NOMO3: variants seen among roughly 807,000 people sequenced by gnomAD.
The protein encoded by NOMO3 is BOS complex subunit NOMO3.
In NOMO3, 15 loss-of-function variants were observed where a neutral mutation model predicts 69.9. The ratio of observed to expected loss-of-function variants is 0.21; its 90% CI spans 0.14 to 0.33. The LOEUF (loss-of-function observed/expected upper bound fraction) is 0.33, where lower values mean the gene tolerates loss of function less well. NOMO3 is among the 10% of genes least tolerant of loss of function. The pLI is 1.00. For missense variants in NOMO3, 218 were observed against 761.0 expected (o/e 0.29, Z 8.39); for synonymous variants, 89 against 301.9 (o/e 0.29, Z 7.31).
Position 16,268,663 on chromosome 16 carries a change from T to C in NOMO3, c.1895-1458T>C, listed in dbSNP as rs438688. Among the ~76,000 whole-genome samples the C allele has an allele frequency of 3.4e-4, 49 of 142,142 alleles. 1 individual carries two copies. In the South Asian group the frequency reaches 6.5e-3, roughly 19 times the overall value. 93.3% of individuals were successfully genotyped at this position (142,142 alleles called of 152,430 possible). Reference sequence around the variant, plus strand: ...AACAAAATCCATACAGCAGTGCCATTGGCAAGTGGTAGTTTATTTGGCTCA... The same window carrying C: ...AACAAAATCCATACAGCAGTGCCATCGGCAAGTGGTAGTTTATTTGGCTCA... On this transcript the variant is annotated intron_variant, in intron 16 of 30. Coordinates refer to ENST00000399336, the MANE Select transcript of NOMO3 (RefSeq NM_001004067.4).
chr16:16,237,617 T>G (rs1283262806), intron 2 of NOMO3, among the ~76,000 whole-genome samples: 1 of 142,514 alleles, frequency 7.0e-6, no homozygotes, highest in Non-Finnish European at 1.5e-5. Context: ...GGTGTGATCT[T>G]GCCTCACTCC....
At chr16:16,238,587 G>A (rs1270251668) in intron 2 of NOMO3, among the ~76,000 whole-genome samples, 6 of 142,860 alleles carry the variant, frequency 4.2e-5, no homozygotes, top group Non-Finnish European at 8.9e-5. Context: ...AACCCAAACT[G>A]TAATTTATTT....
At chr16:16,238,066 A>G (rs1228012268) in intron 2 of NOMO3, among the ~76,000 whole-genome samples, 8 of 138,786 alleles carry the variant, frequency 5.8e-5, no homozygotes, top group Admixed American at 4.9e-4. Context: ...AAAATAGTCA[A>G]TACACATAGT....
In NOMO3 at chr16:16,250,227, A is replaced by G; in HGVS notation, c.583-701A>G. Among the ~76,000 whole-genome samples the G allele has an allele frequency of 1.4e-5, 2 of 145,030 alleles. 1 individual carries two copies. The highest frequency in any genetic ancestry group is 3.0e-5 in the Non-Finnish European group (2 of 67,700). On this transcript the variant is annotated intron_variant, in intron 6 of 30. Coordinates refer to ENST00000399336, the MANE Select transcript of NOMO3 (RefSeq NM_001004067.4). ...TGCTTGAATTGGGTGAGACTTGGCA[A>G]CACGTAAGAGAAACCTTTAGGCCAA... is the stretch of plus-strand genomic sequence containing the variant.
At chr16:16,262,812 G>C (rs557556675) in intron 12 of NOMO3, among the ~76,000 whole-genome samples, 1 of 141,154 alleles carries the variant, frequency 7.1e-6, no homozygotes, top group Admixed American at 6.9e-5. Context: ...TCCGCGTTGC[G>C]GGCCTGTGGG....
At chr16:16,260,331 T>C (rs2141257323) in intron 11 of NOMO3, among the ~76,000 whole-genome samples, 1 of 139,380 alleles carries the variant, frequency 7.2e-6, no homozygotes. Flanking sequence ...TTTCTTTTGA[T>C]TTTTTTTTTT....
At chr16:16,234,919 T>G (rs575274813) in intron 1 of NOMO3, among the ~76,000 whole-genome samples, 1 of 152,298 alleles carries the variant, frequency 6.6e-6, no homozygotes, top group African/African-American at 2.4e-5. Context: ...CAGCCGATCT[T>G]TAGGCTGCCA....
Position 16,240,526 on chromosome 16 carries a change from A to G in NOMO3, c.301+630A>G, listed in dbSNP as rs984753415. 4.1e-5 allele frequency among the ~76,000 whole-genome samples: 6 copies of G among 145,608 alleles called. 1 individual carries two copies. Among genetic ancestry groups the G allele is most frequent in the African/African-American group, 1.6e-4 (6 of 36,972 alleles). ...ATTAGCAAGTACTCAGTATTCAGAAACAGCCCTTCTGCACACATCCCAACA... is the reference window on the plus strand; with the variant it reads ...ATTAGCAAGTACTCAGTATTCAGAAGCAGCCCTTCTGCACACATCCCAACA... On this transcript the variant is annotated intron_variant, in intron 3 of 30. Coordinates refer to ENST00000399336, the MANE Select transcript of NOMO3 (RefSeq NM_001004067.4).
At chr16:16,257,131 AG>A (rs1053536151) in intron 11 of NOMO3, among the ~76,000 whole-genome samples, 1 of 81,494 alleles carries the variant, frequency 1.2e-5, no homozygotes, top group Non-Finnish European at 2.1e-5. Context: ...ATATACTGGC[AG>A]GTGAAGGTGA....
At chr16:16,264,888 G>C (rs1323902738) in intron 14 of NOMO3, among the ~76,000 whole-genome samples, 155 bp from the exon 15 acceptor site, 1 of 134,166 alleles carries the variant, frequency 7.5e-6, no homozygotes, top group Admixed American at 7.2e-5. Flanking sequence ...AATACTGCTA[G>C]TTATAAATAT....
Position 16,237,043 on chromosome 16 carries a change from C to T in NOMO3, c.255+53C>T, listed in dbSNP as rs2049332351. The T allele has an allele frequency of 9.5e-6, 15 of 1,587,254 alleles. 2 individuals carry two copies. On this transcript the variant is annotated intron_variant, in intron 2 of 30. Coordinates refer to ENST00000399336, the MANE Select transcript of NOMO3 (RefSeq NM_001004067.4). ...ATGGGAAGTCACTAGTGTGCCTCAC[C>T]AGGCTGCATTAACCATGTCCTTTCC...
chr16:16,250,296 AAC>A (rs2049451738), intron 6 of NOMO3, among the ~76,000 whole-genome samples: 1 of 140,500 alleles, frequency 7.1e-6, no homozygotes, highest in South Asian at 2.3e-4. Flanking sequence ...ATCTTCAGTT[AAC>A]ACTATATATC....
chr16:16,261,308 G>A, intron 11 of NOMO3, 194 bp from the exon 12 acceptor site: 5 of 624,174 alleles, frequency 8.0e-6, no homozygotes, highest in African/African-American at 2.2e-5. Context: ...TGCTTCTGAA[G>A]GTTGCTTTTT....
Position 16,254,145 on chromosome 16 carries a change from T to C in NOMO3, c.964-1575T>C, listed in dbSNP as rs1305027964. ...GGGTAAGAAGATGAAGCCTTTACTT[T>C]GCTTCTCGTAGCTTGCAGAGAAGGA... is the stretch of plus-strand genomic sequence containing the variant. On this transcript the variant is annotated intron_variant, in intron 9 of 30. Transcript: ENST00000399336. Among the ~76,000 whole-genome samples, 3 of 142,972 alleles carry C rather than the reference T, an allele frequency of 2.1e-5. 1 individual carries two copies. Among genetic ancestry groups the C allele is most frequent in the African/African-American group, 8.5e-5 (3 of 35,234 alleles). 93.8% of individuals were successfully genotyped at this position (142,972 alleles called of 152,430 possible).
intron 7 of NOMO3, 71 bp from the exon 8 acceptor site, chr16:16,251,892 G>A: frequency 2.5e-6 from 2 of 806,394 alleles, no homozygotes; most frequent in South Asian, 1.9e-5. Context: ...TTCCTATAAT[G>A]TGGCTAATTG....
Position 16,260,574 on chromosome 16 carries a change from C to T in NOMO3, c.1221-928C>T, listed in dbSNP as rs1232656453. 8.4e-5 allele frequency among the ~76,000 whole-genome samples: 12 copies of T among 142,764 alleles called. 4 individuals carry two copies. Among genetic ancestry groups the T allele is most frequent in the African/African-American group, 3.5e-4 (12 of 34,388 alleles). 93.7% of individuals were successfully genotyped at this position (142,764 alleles called of 152,430 possible). On this transcript the variant is annotated intron_variant, in intron 11 of 30. Coordinates refer to ENST00000399336, the MANE Select transcript of NOMO3 (RefSeq NM_001004067.4). ...TTTTCCACTGTTTTTTTATTTGAGG[C>T]GGAGTGGTGGTTCCAACATTTAATG... is the stretch of plus-strand genomic sequence containing the variant.
In NOMO3 at chr16:16,254,733, T is replaced by G. The variant is rs59391867; in HGVS notation, c.964-987T>G. ...ACATTTCAGATACTGGTAAGTTTGA[T>G]GAAGATATTAAAATAGGTTAGCAGT... On this transcript the variant is annotated intron_variant, in intron 9 of 30. Coordinates refer to ENST00000399336, the MANE Select transcript of NOMO3 (RefSeq NM_001004067.4). Among the ~76,000 whole-genome samples, 2 of 144,088 alleles carry G rather than the reference T, an allele frequency of 1.4e-5. 1 individual carries two copies. The highest frequency in any genetic ancestry group is 5.7e-5 in the African/African-American group (2 of 35,154). 94.5% of individuals were successfully genotyped at this position (144,088 alleles called of 152,430 possible). A position where few individuals can be genotyped will look rare whatever the true frequency, so the allele number is the denominator to read the frequency against.
chr16:16,261,736 G>A, intron 12 of NOMO3, 60 bp downstream of exon 12: 1 of 1,471,342 alleles, frequency 6.8e-7, no homozygotes. Context: ...TTTTAGAAGG[G>A]TTATTAGGTC....
rs1171198482 is a variant in NOMO3 at position 16,258,090 on chromosome 16, C to T, written c.1220+1932C>T. The stretch of plus-strand genomic sequence containing the variant: ...CAGCACTTTGGGAGGCAGAGGTGGG[C>T]GGATCGCTTGAGCCCAGGAGTTTGA... On this transcript the variant is annotated intron_variant, in intron 11 of 30. Transcript: ENST00000399336. Among the ~76,000 whole-genome samples the T allele has an allele frequency of 1.5e-4, 21 of 142,230 alleles. 2 individuals are homozygous for T. The highest frequency in any genetic ancestry group is 1.4e-4 in the Admixed American group (2 of 14,608). The allele number at this position is 142,230 out of a possible 152,430, so 93.3% of individuals were successfully genotyped here. A position where few individuals can be genotyped will look rare whatever the true frequency, so the allele number is the denominator to read the frequency against.
Sources: gnomAD v4.1 joint callset for allele counts (sites outside exome capture counted in the v4.1 genomes callset) on GRCh38, gnomAD v4.1.1 for gene constraint, MANE v1.5 for transcripts, NCBI Gene and HGNC (gene_info 2026-07-23, HGNC 2026-07-21) for gene names.